Variants in IL12B observed in about 807,000 individuals in gnomAD.
IL12B encodes interleukin 12B.
Under a neutral mutation model 39.2 loss-of-function variants are expected in IL12B, and 27 were observed. The observed-to-expected ratio is 0.69, with a 90% confidence interval of 0.51 to 0.95. The LOEUF (loss-of-function observed/expected upper bound fraction) is 0.95. IL12B is among the 40% of genes least tolerant of loss of function. The pLI is 0.00. For synonymous variants in IL12B, 142 were observed against 152.1 expected (o/e 0.93, Z 0.49); for missense variants, 351 against 397.6 (o/e 0.88, Z 1.00).
At chr5:159,323,919 C>T (rs148950976) in intron 2 of IL12B, among the ~76,000 whole-genome samples, 1 of 149,454 alleles carries the variant, frequency 6.7e-6, no homozygotes, top group African/African-American at 2.5e-5. Flanking sequence ...AAAAAAAGCA[C>T]GTAAAGTACT....
chr5:159,319,287 C>G (rs3213104), intron 5 of IL12B, among the ~76,000 whole-genome samples: 1,924 of 152,332 alleles, frequency 0.013, 39 homozygotes, highest in African/African-American at 0.043. Flanking sequence ...CTGAGCCTCT[C>G]CCTGGGGATG....
chr5:159,325,095 A>C (rs1023550443), intron 2 of IL12B, among the ~76,000 whole-genome samples: 4 of 152,140 alleles, frequency 2.6e-5, no homozygotes, highest in African/African-American at 7.2e-5. Context: ...TGCAGGAGGA[A>C]AGCTGAAGAG....
chr5:159,327,335 C>T (rs1427257528), intron 1 of IL12B, among the ~76,000 whole-genome samples: 1 of 152,202 alleles, frequency 6.6e-6, no homozygotes, highest in East Asian at 1.9e-4. Context: ...ACATTTGTAT[C>T]ACTGCAGCAC....
chr5:159,325,180 A>G (rs1418714306), intron 2 of IL12B, among the ~76,000 whole-genome samples: 1 of 152,110 alleles, frequency 6.6e-6, no homozygotes, highest in Non-Finnish European at 1.5e-5. Context: ...AGTTTCTCAC[A>G]CTGATTTTCT....
chr5:159,326,932 T>G (rs1246428145), intron 1 of IL12B, 150 bp from the exon 2 acceptor site: 69 of 672,560 alleles, frequency 1.0e-4, no homozygotes. Context: ...AAATCTTGAT[T>G]CTCCCCTTTC....
rs1193960086 is a variant in IL12B, at chr5:159,320,332, G to A, written c.671C>T (p.Thr224Ile). 7 of 1,614,020 alleles carry A rather than the reference G, an allele frequency of 4.3e-6. No homozygotes were observed. The highest frequency in any genetic ancestry group is 1.7e-5 in the Admixed American group (1 of 60,012). Reference sequence around the variant, plus strand: ...GATGTCCCTGATGAAGAAGCTGCTGGTGTAGTTTTCATACTTGAGCTTGTG... The same window carrying A: ...GATGTCCCTGATGAAGAAGCTGCTGATGTAGTTTTCATACTTGAGCTTGTG... Reference protein sequence around the residue: ...AVHKLKYENYTSSFFIRDIIK... With the variant: ...AVHKLKYENYISSFFIRDIIK... Residue 224 changes from threonine (T) to isoleucine (I), a missense_variant, in exon 5 of 8, where the codon ACC (threonine) becomes ATC (isoleucine). By Grantham distance (89) the Thr-to-Ile change is moderately conservative (BLOSUM62 -1). Transcript: ENST00000231228.
rs544148724 is a variant in IL12B at position 159,319,473 on chromosome 5, G to C, written c.698-580C>G. 1.2e-3 allele frequency among the ~76,000 whole-genome samples: 178 copies of C among 152,352 alleles called. 1 individual carries two copies. Among genetic ancestry groups the C allele is most frequent in the African/African-American group, 4.0e-3 (166 of 41,584 alleles). Reference sequence around the variant, plus strand: ...TGGACTGTGCATGAAGGATACAGCAGTGAGTTTCACAAAGACTCCTTCCTC... The same window carrying C: ...TGGACTGTGCATGAAGGATACAGCACTGAGTTTCACAAAGACTCCTTCCTC... On this transcript the variant is annotated intron_variant, in intron 5 of 7. Coordinates refer to ENST00000231228, the MANE Select transcript of IL12B (RefSeq NM_002187.3).
At chr5:159,317,745 A>C (rs756961042) in intron 6 of IL12B, among the ~76,000 whole-genome samples, 10 of 152,218 alleles carry the variant, frequency 6.6e-5, no homozygotes, top group Non-Finnish European at 1.0e-4. Context: ...GCCAGGAGCT[A>C]TCCATTTTGG....
chr5:159,318,944 C>T, intron 5 of IL12B, 51 bp from the exon 6 acceptor site: 2 of 1,540,972 alleles, frequency 1.3e-6, no homozygotes, highest in Non-Finnish European at 1.8e-6. Flanking sequence ...CTTTGGAGTT[C>T]AGTGGTTTTG....
At position 159,322,424 on chromosome 5, in the gene IL12B, T is replaced by A. The variant is rs1426233610; in HGVS notation, c.452A>T (p.Asp151Val). Residue 151 changes from aspartate to valine, a missense_variant, in exon 4 of 8, where the codon GAT (aspartate) becomes GTT (valine). Physicochemically the swap from Asp to Val is radical, Grantham distance 152. Transcript: ENST00000231228. ...GCTGCTTTTGACACTGAATGTCAAA[T>A]CAGTACTGATTGTCGTCAGCCACCA... ...TCWWLTTISTDLTFSVKSSRG... is the reference protein window; with the variant it reads ...TCWWLTTISTVLTFSVKSSRG... The A allele has an allele frequency of 6.2e-7, 1 of 1,612,600 alleles. No homozygotes were observed. The highest frequency in any genetic ancestry group is 8.5e-7 in the Non-Finnish European group (1 of 1,178,588).
intron 7 of IL12B, 36 bp downstream of exon 7, chr5:159,316,649 G>T (rs368783048): frequency 6.3e-7 from 1 of 1,597,110 alleles, no homozygotes; most frequent in South Asian, 1.1e-5. Context: ...TGCACTGAGA[G>T]TGCAGGCCTG....
chr5:159,325,258 A>G (rs551308096), intron 2 of IL12B, among the ~76,000 whole-genome samples: 4 of 152,312 alleles, frequency 2.6e-5, no homozygotes, highest in Middle Eastern at 6.8e-3. Flanking sequence ...AAGGTTCCTG[A>G]GCTCGCTAAC....
Position 159,320,497 on chromosome 5 carries a change from G to A in IL12B, c.506C>T (p.Thr169Met), listed in dbSNP as rs565345523. 7.9e-5 allele frequency: 128 copies of A among 1,614,030 alleles called. 5 individuals carry two copies. The South Asian group carries it at 1.3e-3, about 16-fold the overall frequency. The change falls in exon 5 of 8, where the codon ACG becomes ATG. Residue 169 changes from threonine to methionine, a missense_variant. Thr to Met is a moderately conservative substitution (Grantham distance 81). Transcript: ENST00000231228. ...SRGSSDPQGVTCGAATLSAER... is the reference protein window; with the variant it reads ...SRGSSDPQGVMCGAATLSAER... Reference sequence around the variant, plus strand: ...TGCAGAGAGTGTAGCAGCTCCGCACGTCACCCCTTGGGGGTCAGAAGAGCT... The same window carrying A: ...TGCAGAGAGTGTAGCAGCTCCGCACATCACCCCTTGGGGGTCAGAAGAGCT...
At chr5:159,324,772 C>T (rs1488575942) in intron 2 of IL12B, among the ~76,000 whole-genome samples, 1 of 152,190 alleles carries the variant, frequency 6.6e-6, no homozygotes, top group Non-Finnish European at 1.5e-5. Flanking sequence ...ATACACAGTG[C>T]CCTTACATGC....
chr5:159,319,076 C>T (rs775647036), intron 5 of IL12B, among the ~76,000 whole-genome samples, 183 bp from the exon 6 acceptor site: 4 of 152,144 alleles, frequency 2.6e-5, no homozygotes, highest in South Asian at 2.1e-4. Context: ...GCTGGTGCCT[C>T]GGGAAGGCAG....
chr5:159,319,385 G>A (rs1479306505), intron 5 of IL12B, among the ~76,000 whole-genome samples: 1 of 152,196 alleles, frequency 6.6e-6, no homozygotes, highest in Non-Finnish European at 1.5e-5. Context: ...ACAGTCAATT[G>A]TCTCTATGCT....
chr5:159,319,333 G>T (rs1291069700), intron 5 of IL12B, among the ~76,000 whole-genome samples: 1 of 152,198 alleles, frequency 6.6e-6, no homozygotes, highest in Non-Finnish European at 1.5e-5. Flanking sequence ...CCTTTCTTTT[G>T]TCTTTTCATA....
At chr5:159,321,641 T>A (rs1584754259) in intron 4 of IL12B, among the ~76,000 whole-genome samples, 1 of 152,302 alleles carries the variant, frequency 6.6e-6, no homozygotes, top group East Asian at 1.9e-4. Flanking sequence ...CCATGTTTTA[T>A]TTAACCATTC....
Position 159,314,849 on chromosome 5 carries a change from C to T in IL12B, c.*1252G>A, listed in dbSNP as rs1424840319. The T allele has an allele frequency of 6.6e-6, 1 of 152,278 alleles. No individual in the cohort carries two copies. The highest frequency in any genetic ancestry group is 6.5e-5 in the Admixed American group (1 of 15,278). 9.4% of individuals were successfully genotyped at this position (152,278 alleles called of 1,614,324 possible). A position where few individuals can be genotyped will look rare whatever the true frequency, so the allele number is the denominator to read the frequency against. On this transcript the variant is annotated 3_prime_UTR_variant, in exon 8 of 8. Coordinates refer to ENST00000231228, the MANE Select transcript of IL12B (RefSeq NM_002187.3). ...AAAAATAAATAAATAAATAAACAAA[C>T]AGGAAACAAATGTAATCACTTTACA...
Sources: allele counts gnomAD v4.1 joint callset (sites outside exome capture counted in the v4.1 genomes callset), GRCh38; gene constraint gnomAD v4.1.1; transcripts MANE v1.5; gene names NCBI Gene and HGNC (gene_info 2026-07-23, HGNC 2026-07-21).